Variants in GSTCD observed in about 807,000 individuals in gnomAD.
GSTCD encodes glutathione S-transferase C-terminal domain containing, also known as glutathione S-transferase C-terminal domain-containing protein.
In GSTCD, 44 loss-of-function variants were observed where a neutral mutation model predicts 68.3. The observed-to-expected ratio is 0.64, with a 90% CI of 0.51 to 0.83. The LOEUF (loss-of-function observed/expected upper bound fraction) is 0.83, where lower values mean the gene tolerates loss of function less well. GSTCD is among the 40% of genes least tolerant of loss of function. The pLI, the probability that GSTCD is intolerant of heterozygous loss-of-function variation, is 0.00. For synonymous variants in GSTCD, 273 were observed against 255.2 expected, an observed-to-expected ratio of 1.07 and a Z score of -0.67; for missense variants, 739 against 735.9, an observed-to-expected ratio of 1.00 and a Z score of -0.05.
intron 5 of GSTCD, among the ~76,000 whole-genome samples, chr4:105,751,604 C>T (rs1734011672): frequency 6.6e-6 from 1 of 152,042 alleles, no homozygotes; most frequent in African/African-American, 2.4e-5. Flanking sequence ...AACATTGCTT[C>T]AAAACAGTGA....
At chr4:105,728,238 A>C (rs1733106369) in intron 4 of GSTCD, among the ~76,000 whole-genome samples, 2 of 152,234 alleles carry the variant, frequency 1.3e-5, no homozygotes, top group South Asian at 4.1e-4. Context: ...ACAATTGTGA[A>C]TATTATAAAA....
chr4:105,778,319 A>G (rs1735150774), intron 5 of GSTCD, among the ~76,000 whole-genome samples: 1 of 152,204 alleles, frequency 6.6e-6, no homozygotes, highest in African/African-American at 2.4e-5. Context: ...ACTCACTTAT[A>G]GTATATATGT....
intron 1 of GSTCD, among the ~76,000 whole-genome samples, chr4:105,711,695 T>C (rs953009846): frequency 6.6e-6 from 1 of 152,220 alleles, no homozygotes; most frequent in Non-Finnish European, 1.5e-5. Context: ...GAAACAGATA[T>C]GCAGAAAAGT....
intron 5 of GSTCD, among the ~76,000 whole-genome samples, chr4:105,805,876 G>T (rs1275909927): frequency 6.6e-6 from 1 of 151,798 alleles, no homozygotes; most frequent in South Asian, 2.1e-4. Context: ...ATGAAACACT[G>T]TTTTTTTAAG....
At chr4:105,770,362 T>G (rs374799001) in intron 5 of GSTCD, among the ~76,000 whole-genome samples, 97 of 151,584 alleles carry the variant, frequency 6.4e-4, no homozygotes, top group African/African-American at 2.3e-3. Context: ...CCTTATACTT[T>G]TTTTTTTTCC....
At chr4:105,767,575 T>C (rs1734667442) in intron 5 of GSTCD, among the ~76,000 whole-genome samples, 1 of 152,248 alleles carries the variant, frequency 6.6e-6, no homozygotes. Context: ...TTTTCTTTTG[T>C]AAATAGCTTA....
chr4:105,842,066 AAC>A lies in GSTCD; in HGVS notation c.1701_1702del (p.Met568AspfsTer58). 1 of 1,613,044 alleles carries A rather than the reference AAC, an allele frequency of 6.2e-7. No homozygotes were observed. The highest frequency in any genetic ancestry group is 8.5e-7 in the Non-Finnish European group (1 of 1,179,002). ...ACATTCTATTGCTTTTTCTTTTAGG[AAC>A]ACATGATTCTGTGCAGATTTGCAGA... On this transcript the variant is annotated frameshift_variant and splice_region_variant, in exon 11 of 12. Coordinates refer to ENST00000515279, the MANE Select transcript of GSTCD (RefSeq NM_001370181.1). LOFTEE classifies it high-confidence loss of function.
chr4:105,787,847 C>T lies in GSTCD; in HGVS notation c.1241-35107C>T, dbSNP rs138621582. ...AAGAATATAGAAATTATGTAAAGCA[C>T]GATTTTTTGGTATCATTATTACTAT... On this transcript the variant is annotated intron_variant, in intron 5 of 11. Coordinates refer to ENST00000515279, the MANE Select transcript of GSTCD (RefSeq NM_001370181.1). Among the ~76,000 whole-genome samples the T allele has an allele frequency of 4.7e-3, 711 of 152,082 alleles. 13 individuals are homozygous for T. Among genetic ancestry groups the T allele is most frequent in the African/African-American group, 0.016 (677 of 41,412 alleles).
intron 5 of GSTCD, among the ~76,000 whole-genome samples, chr4:105,797,760 CTTTTTTTTTTTTTTT>C (rs70941218): frequency 5.9e-5 from 5 of 84,948 alleles, no homozygotes; most frequent in Non-Finnish European, 4.6e-5. Context: ...CACAATAGAA[CTTTTTTTTTTTTTTT>C]TTTTTTTTTT....
intron 5 of GSTCD, among the ~76,000 whole-genome samples, chr4:105,800,939 A>AT (rs1736083553): frequency 6.6e-6 from 1 of 152,152 alleles, no homozygotes; most frequent in African/African-American, 2.4e-5. Context: ...CAACAGCACC[A>AT]TAATGCATGC....
chr4:105,791,470 G>C (rs1278977038), intron 5 of GSTCD, among the ~76,000 whole-genome samples: 1 of 151,618 alleles, frequency 6.6e-6, no homozygotes, highest in Admixed American at 6.6e-5. Flanking sequence ...AGTAAAACAC[G>C]TTTGTTTGTT....
At chr4:105,784,823 G>A (rs762767539) in intron 5 of GSTCD, among the ~76,000 whole-genome samples, 48 of 152,080 alleles carry the variant, frequency 3.2e-4, no homozygotes, top group African/African-American at 8.5e-4. Context: ...CATTTGGCCA[G>A]TAAAAGCCCC....
intron 5 of GSTCD, among the ~76,000 whole-genome samples, chr4:105,797,663 C>G (rs1274673065): frequency 1.3e-5 from 2 of 151,262 alleles, no homozygotes; most frequent in African/African-American, 2.4e-5. Context: ...TAAAATAAGA[C>G]AACAATGAAG....
At chr4:105,714,959 A>G (rs896179264) in intron 1 of GSTCD, among the ~76,000 whole-genome samples, 1 of 152,208 alleles carries the variant, frequency 6.6e-6, no homozygotes, top group African/African-American at 2.4e-5. Flanking sequence ...CTTAAAAGCT[A>G]TTAAATAGCA....
At chr4:105,836,140 G>A (rs575169468) in intron 9 of GSTCD, among the ~76,000 whole-genome samples, 9 of 151,818 alleles carry the variant, frequency 5.9e-5, no homozygotes, top group African/African-American at 1.9e-4. Flanking sequence ...AAGGAGACCT[G>A]CAGTGGGTAG....
At chr4:105,793,727 G>A (rs538741909) in intron 5 of GSTCD, among the ~76,000 whole-genome samples, 1 of 151,952 alleles carries the variant, frequency 6.6e-6, no homozygotes, top group East Asian at 1.9e-4. Context: ...CCGCAGCCAA[G>A]ATCTAAGTCC....
rs117658917 is a variant in GSTCD at position 105,747,131 on chromosome 4, T to C, written c.1240+17632T>C. 6.7e-4 allele frequency among the ~76,000 whole-genome samples: 102 copies of C among 152,372 alleles called. 4 individuals carry two copies. The East Asian group carries it at 0.018, about 26-fold the overall frequency. ...AGTGTATGGTAAATATGTAGGCACA[T>C]TATTTATTGCTATTCTTGCCAGAAG... On this transcript the variant is annotated intron_variant, in intron 5 of 11. Transcript: ENST00000515279.
intron 5 of GSTCD, among the ~76,000 whole-genome samples, chr4:105,734,270 C>G (rs895715557): frequency 1.3e-5 from 2 of 152,144 alleles, no homozygotes; most frequent in Non-Finnish European, 2.9e-5. Flanking sequence ...TGGATAATAT[C>G]CTGCAGCGTG....
intron 4 of GSTCD, among the ~76,000 whole-genome samples, chr4:105,727,486 C>T (rs1346479610): frequency 2.0e-5 from 3 of 150,100 alleles, no homozygotes; most frequent in Non-Finnish European, 4.4e-5. Flanking sequence ...GATTGTACCG[C>T]TGTACTCCAG....
Sources: gnomAD v4.1 joint callset for allele counts (sites outside exome capture counted in the v4.1 genomes callset) on GRCh38, gnomAD v4.1.1 for gene constraint, MANE v1.5 for transcripts, NCBI Gene and HGNC (gene_info 2026-07-23, HGNC 2026-07-21) for gene names.